Variants in TENM2 observed in about 807,000 individuals in gnomAD.
TENM2 encodes the protein teneurin-2.
A neutral mutation model predicts 245.2 loss-of-function variants in TENM2; 52 were observed. The ratio of observed to expected loss-of-function variants is 0.21; its 90% CI spans 0.17 to 0.27. The LOEUF (loss-of-function observed/expected upper bound fraction) is 0.27. Among genes scored for constraint, TENM2 ranks in the 10% least tolerant of loss-of-function variants. The probability of loss-of-function intolerance (pLI) is 1.00; values close to 1 mark genes in which losing one functional copy is unlikely to be tolerated. For synonymous variants in TENM2, 1,363 were observed against 1,438.9 expected, an observed-to-expected ratio of 0.95 and a Z score of 1.19; for missense variants, 3,046 against 3,666.8, an observed-to-expected ratio of 0.83 and a Z score of 4.37.
At chr5:167,465,114 C>T (rs945147655) in intron 2 of TENM2, among the ~76,000 whole-genome samples, 1 of 152,190 alleles carries the variant, frequency 6.6e-6, no homozygotes, top group Non-Finnish European at 1.5e-5. Context: ...CAAGTGATGT[C>T]AAGTACAATT....
chr5:167,313,750 A>G (rs1267085962), intron 1 of TENM2, among the ~76,000 whole-genome samples: 1 of 152,200 alleles, frequency 6.6e-6, no homozygotes, highest in Non-Finnish European at 1.5e-5. Context: ...ATGTAGACTC[A>G]GTTCTTGCTC....
At chr5:167,693,155 A>G (rs192426344) in intron 2 of TENM2, among the ~76,000 whole-genome samples, 94 of 152,286 alleles carry the variant, frequency 6.2e-4, no homozygotes, top group African/African-American at 2.1e-3. Flanking sequence ...TTCTGTATAT[A>G]CGATGCTCAA....
At chr5:167,335,136 C>G (rs914325362) in intron 1 of TENM2, among the ~76,000 whole-genome samples, 1 of 152,202 alleles carries the variant, frequency 6.6e-6, no homozygotes, top group African/African-American at 2.4e-5. Context: ...ATGGCAGCAT[C>G]TGCTTCTGAG....
chr5:167,828,790 A>G (rs1467207147), intron 2 of TENM2, among the ~76,000 whole-genome samples: 1 of 152,236 alleles, frequency 6.6e-6, no homozygotes, highest in Non-Finnish European at 1.5e-5. Context: ...AACCATTTCT[A>G]TAAGAAATCT....
rs536024709 is a variant in TENM2 at position 167,425,687 on chromosome 5, TG to T, written c.502+50217del. Among the ~76,000 whole-genome samples the T allele has an allele frequency of 1.1e-4, 16 of 152,270 alleles. No individual in the cohort carries two copies. In the East Asian group the frequency reaches 2.7e-3, roughly 26 times the overall value. On this transcript the variant is annotated intron_variant, in intron 2 of 28. Coordinates refer to ENST00000518659, the Ensembl canonical transcript of TENM2. Reference sequence around the variant, plus strand: ...CCACAGCTTAATAACTGTATGAACATGGGAAATTACTTAATCTCTCTGCGTC... The same window carrying T: ...CCACAGCTTAATAACTGTATGAACATGGAAATTACTTAATCTCTCTGCGTC...
At chr5:167,391,737 A>T (rs1761772296) in intron 2 of TENM2, among the ~76,000 whole-genome samples, 1 of 151,788 alleles carries the variant, frequency 6.6e-6, no homozygotes, top group South Asian at 2.1e-4. Flanking sequence ...TTTGGGGCTT[A>T]TTCATTTTAG....
chr5:167,867,080 T>A (rs1445568984), intron 2 of TENM2, among the ~76,000 whole-genome samples: 1 of 152,198 alleles, frequency 6.6e-6, no homozygotes, highest in East Asian at 1.9e-4. Flanking sequence ...GCTGCATGTG[T>A]CAAGCAATTA....
intron 4 of TENM2, among the ~76,000 whole-genome samples, chr5:167,976,385 A>G (rs1782447591): frequency 6.6e-6 from 1 of 152,218 alleles, no homozygotes; most frequent in Non-Finnish European, 1.5e-5. Context: ...GTGGAATAAT[A>G]AATAGTGTAG....
chr5:167,687,949 A>C (rs1204924340), intron 2 of TENM2, among the ~76,000 whole-genome samples: 1 of 152,246 alleles, frequency 6.6e-6, no homozygotes, highest in Non-Finnish European at 1.5e-5. Flanking sequence ...AATGATATTT[A>C]ATGTTGTAAT....
intron 1 of TENM2, among the ~76,000 whole-genome samples, chr5:167,330,478 T>C (rs1561867816): frequency 6.6e-6 from 1 of 152,080 alleles, no homozygotes; most frequent in Non-Finnish European, 1.5e-5. Flanking sequence ...TCCAACTGAA[T>C]ATAAGGAAGA....
Position 167,738,315 on chromosome 5 carries a change from A to G in TENM2, c.503-137671A>G, listed in dbSNP as rs1760943152. On this transcript the variant is annotated intron_variant, in intron 2 of 28. Transcript: ENST00000518659. Reference sequence around the variant, plus strand: ...AGTGATGTGTTGAGCTTGAGCTTACATGGTGTTAGATCAGCTTTCTCACAC... The same window carrying G: ...AGTGATGTGTTGAGCTTGAGCTTACGTGGTGTTAGATCAGCTTTCTCACAC... Among the ~76,000 whole-genome samples the G allele has an allele frequency of 2.0e-5, 3 of 152,166 alleles. No individual in the cohort carries two copies. The South Asian group carries it at 6.2e-4, about 31-fold the overall frequency.
At chr5:167,000,326 G>T in the TENM2 span, among the ~76,000 whole-genome samples, 1 of 152,118 alleles carries the variant, frequency 6.6e-6, no homozygotes, top group Non-Finnish European at 1.5e-5. Flanking sequence ...TTCCTCTATT[G>T]CAATTAATCA....
chr5:167,064,421 C>G, the TENM2 span, among the ~76,000 whole-genome samples: 1 of 152,194 alleles, frequency 6.6e-6, no homozygotes, highest in Non-Finnish European at 1.5e-5. Context: ...GATGGCACTT[C>G]TACTCAGAAA....
intron 2 of TENM2, among the ~76,000 whole-genome samples, chr5:167,718,354 C>T (rs1176282015): frequency 1.3e-5 from 2 of 152,180 alleles, no homozygotes; most frequent in African/African-American, 4.8e-5. Flanking sequence ...TGGGGCCACT[C>T]ACAGAAGAGC....
At chr5:167,755,297 G>A (rs1481587219) in intron 2 of TENM2, 1 of 758,288 alleles carries the variant, frequency 1.3e-6, no homozygotes, top group East Asian at 2.6e-5. Context: ...TACCAAGGGA[G>A]AGATGGGAGA....
At chr5:167,058,656 T>A in the TENM2 span, among the ~76,000 whole-genome samples, 3 of 151,960 alleles carry the variant, frequency 2.0e-5, no homozygotes, top group Admixed American at 2.0e-4. Context: ...AAGGCTGAGA[T>A]GAGAGGATCA....
intron 4 of TENM2, among the ~76,000 whole-genome samples, chr5:167,956,536 C>G (rs1354364163): frequency 1.3e-5 from 2 of 152,190 alleles, no homozygotes; most frequent in Admixed American, 1.3e-4. Flanking sequence ...GAGAGGGCAT[C>G]CTTGTCTTGT....
intron 2 of TENM2, among the ~76,000 whole-genome samples, chr5:167,682,872 T>C (rs1206606347): frequency 1.3e-5 from 2 of 152,188 alleles, no homozygotes; most frequent in African/African-American, 4.8e-5. Context: ...GACTTTCTCA[T>C]AGTTTACATT....
At chr5:168,262,498 G>A (rs1310103955) in exon 29 of TENM2, 5 of 1,557,826 alleles carry the variant, frequency 3.2e-6, no homozygotes, top group South Asian at 1.2e-5. Context: ...TTGAGTTCCA[G>A]TACTCCACGC....
Sources: allele counts gnomAD v4.1 joint callset (sites outside exome capture counted in the v4.1 genomes callset), GRCh38; gene constraint gnomAD v4.1.1; transcripts MANE v1.5; gene names NCBI Gene and HGNC (gene_info 2026-07-23, HGNC 2026-07-21).